The following AUTS2 variants were observed in gnomAD, a reference collection of about 807,000 sequenced individuals.
AUTS2 encodes autism susceptibility gene 2 protein.
A neutral mutation model predicts 112.4 loss-of-function variants in AUTS2; 17 were observed. The ratio of observed to expected loss-of-function variants is 0.15; its 90% CI spans 0.10 to 0.23. The LOEUF is 0.23. Ranked by LOEUF, AUTS2 falls within the 10% of genes least tolerant of loss-of-function variation. The pLI, the probability that AUTS2 is intolerant of heterozygous loss-of-function variation, is 1.00. For missense variants in AUTS2, 1,510 were observed against 1,701.6 expected (o/e 0.89, Z 1.98); for synonymous variants, 751 against 702.7 (o/e 1.07, Z -1.09).
chr7:70,655,459 G>A lies in AUTS2; in HGVS notation c.691-43110G>A, dbSNP rs975846043. On this transcript the variant is annotated intron_variant, in intron 5 of 18. Transcript: ENST00000342771. ...CTATGCTGCCATCTCAGTGTTGGGG[G>A]ATGACTTCCCTCATGGATGCAAGAA... Among the ~76,000 whole-genome samples, 4 of 152,334 alleles carry A rather than the reference G, an allele frequency of 2.6e-5. No homozygotes were observed. The East Asian group carries it at 7.7e-4, about 29-fold the overall frequency.
intron 6 of AUTS2, among the ~76,000 whole-genome samples, chr7:70,725,818 G>T (rs1268283409): frequency 6.6e-6 from 1 of 152,090 alleles, no homozygotes; most frequent in Non-Finnish European, 1.5e-5. Flanking sequence ...GTCCTTAATT[G>T]TCCTCCCCTT....
At position 70,620,540 on chromosome 7, in the gene AUTS2, A is replaced by G. The variant is rs542093838; in HGVS notation, c.691-78029A>G. Reference sequence around the variant, plus strand: ...CTCTCCTGTGCTGGTGGCCAAGCCCAGGGCTTGGGTTGTAAAACCACAGGC... The same window carrying G: ...CTCTCCTGTGCTGGTGGCCAAGCCCGGGGCTTGGGTTGTAAAACCACAGGC... On this transcript the variant is annotated intron_variant, in intron 5 of 18. Transcript: ENST00000342771. Among the ~76,000 whole-genome samples the G allele has an allele frequency of 2.6e-5, 4 of 152,288 alleles. No individual in the cohort carries two copies. The East Asian group carries it at 7.8e-4, about 30-fold the overall frequency.
intron 2 of AUTS2, among the ~76,000 whole-genome samples, chr7:70,114,073 T>G (rs184221456): frequency 3.3e-5 from 5 of 152,350 alleles, no homozygotes; most frequent in Admixed American, 1.3e-4. Context: ...TTAATCTCAT[T>G]GATAGAATTA....
intron 2 of AUTS2, among the ~76,000 whole-genome samples, chr7:70,067,596 A>G (rs1246981486): frequency 6.6e-6 from 1 of 152,208 alleles, no homozygotes; most frequent in Non-Finnish European, 1.5e-5. Flanking sequence ...CTGTAATCCC[A>G]GCACTTTGGT....
chr7:70,344,636 G>A (rs757244905), intron 4 of AUTS2, among the ~76,000 whole-genome samples: 1 of 152,154 alleles, frequency 6.6e-6, no homozygotes, highest in African/African-American at 2.4e-5. Context: ...ATCAACATGG[G>A]TTAGAACCTT....
At chr7:69,708,880 T>G (rs1170960934) in intron 1 of AUTS2, among the ~76,000 whole-genome samples, 1 of 152,196 alleles carries the variant, frequency 6.6e-6, no homozygotes, top group Non-Finnish European at 1.5e-5. Flanking sequence ...ACATTGAGTT[T>G]TTTCCATTTA....
chr7:69,914,370 C>CAT (rs1168554349), intron 2 of AUTS2, among the ~76,000 whole-genome samples: 6 of 146,580 alleles, frequency 4.1e-5, no homozygotes, highest in African/African-American at 1.6e-4. Flanking sequence ...CACACACACA[C>CAT]ACACACACAC....
intron 5 of AUTS2, among the ~76,000 whole-genome samples, chr7:70,463,948 C>G (rs1338790142): frequency 6.6e-6 from 1 of 152,136 alleles, no homozygotes; most frequent in Non-Finnish European, 1.5e-5. Flanking sequence ...TCAAATGCAG[C>G]TATTAATTTT....
intron 1 of AUTS2, among the ~76,000 whole-genome samples, chr7:69,604,128 G>A (rs1444244817): frequency 6.6e-6 from 1 of 152,218 alleles, no homozygotes; most frequent in African/African-American, 2.4e-5. Flanking sequence ...CTCATTTCTA[G>A]TGGTTAGAGC....
chr7:70,299,224 C>T (rs1319172933), intron 4 of AUTS2, among the ~76,000 whole-genome samples: 1 of 152,154 alleles, frequency 6.6e-6, no homozygotes, highest in Non-Finnish European at 1.5e-5. Context: ...TTTTGTAATG[C>T]ACCATGTTTT....
intron 5 of AUTS2, among the ~76,000 whole-genome samples, chr7:70,664,822 A>G (rs963454930): frequency 2.6e-5 from 4 of 152,128 alleles, no homozygotes; most frequent in African/African-American, 9.7e-5. Context: ...TGTAATCCCA[A>G]CACCTTGGGA....
chr7:70,750,816 T>C (rs1418922411), intron 6 of AUTS2, among the ~76,000 whole-genome samples: 1 of 152,256 alleles, frequency 6.6e-6, no homozygotes, highest in East Asian at 1.9e-4. Flanking sequence ...AATCATCAGA[T>C]GCAAAGCAGG....
intron 4 of AUTS2, among the ~76,000 whole-genome samples, chr7:70,136,151 T>A (rs969273261): frequency 2.0e-5 from 3 of 152,210 alleles, no homozygotes; most frequent in African/African-American, 7.2e-5. Flanking sequence ...AATAATATAT[T>A]CTTATGATTT....
At chr7:70,728,327 A>G (rs1787152830) in intron 6 of AUTS2, among the ~76,000 whole-genome samples, 2 of 152,196 alleles carry the variant, frequency 1.3e-5, no homozygotes, top group African/African-American at 2.4e-5. Context: ...CAGGATTATC[A>G]TGGTTTTTGT....
At chr7:69,976,582 C>T (rs1289615733) in intron 2 of AUTS2, among the ~76,000 whole-genome samples, 1 of 152,134 alleles carries the variant, frequency 6.6e-6, no homozygotes, top group African/African-American at 2.4e-5. Flanking sequence ...ATTTTACAAT[C>T]CCACCATTAG....
At chr7:70,041,422 T>C (rs866710593) in intron 2 of AUTS2, among the ~76,000 whole-genome samples, 1 of 152,156 alleles carries the variant, frequency 6.6e-6, no homozygotes, top group African/African-American at 2.4e-5. Context: ...TGCTTACAAA[T>C]TTCTCTCCCT....
chr7:69,818,519 T>C lies in AUTS2; in HGVS notation c.310-80767T>C, dbSNP rs553668674. 2.0e-5 allele frequency among the ~76,000 whole-genome samples: 3 copies of C among 152,332 alleles called. No homozygotes were observed. In the South Asian group the frequency reaches 6.2e-4, roughly 32 times the overall value. On this transcript the variant is annotated intron_variant, in intron 1 of 18. Coordinates refer to ENST00000342771, the MANE Select transcript of AUTS2 (RefSeq NM_015570.4). ...GTTTATTAAATGTGCTTTATATCAC[T>C]ATTAATATTGAGGAGCAAAGAGGAA...
At chr7:69,956,555 T>C (rs529304595) in intron 2 of AUTS2, among the ~76,000 whole-genome samples, 1 of 152,260 alleles carries the variant, frequency 6.6e-6, no homozygotes, top group South Asian at 2.1e-4. Flanking sequence ...CCTTACGAGA[T>C]TTTTAGGATA....
intron 5 of AUTS2, among the ~76,000 whole-genome samples, chr7:70,573,981 GTGTATGTCTGTGAGCCTGGCTGTGCAGT>G (rs1196174902): frequency 1.3e-5 from 2 of 152,130 alleles, no homozygotes; most frequent in African/African-American, 4.8e-5. Flanking sequence ...CTCCATGAAG[GTGTATGTCTGTGAGCCTGGCTGTGCAGT>G]TGGGAGGCCT....
Sources: gnomAD v4.1 joint callset for allele counts (sites outside exome capture counted in the v4.1 genomes callset) on GRCh38, gnomAD v4.1.1 for gene constraint, MANE v1.5 for transcripts, NCBI Gene and HGNC (gene_info 2026-07-23, HGNC 2026-07-21) for gene names.